The following CDK15 variants were observed in gnomAD, a reference collection of about 807,000 sequenced individuals.
CDK15 encodes cyclin dependent kinase 15.
Under a neutral mutation model 60.3 loss-of-function variants are expected in CDK15, and 62 were observed. The observed-to-expected ratio is 1.03, with a 90% CI of 0.84 to 1.27. The LOEUF (loss-of-function observed/expected upper bound fraction) is 1.27, where lower values mean the gene tolerates loss of function less well. Among genes scored for constraint, CDK15 ranks in the 50% most tolerant of loss-of-function variants. CDK15 has a pLI of 0.00. For missense variants in CDK15, 541 were observed against 527.8 expected, an observed-to-expected ratio of 1.03 and a Z score of -0.25; for synonymous variants, 194 against 195.7, an observed-to-expected ratio of 0.99 and a Z score of 0.07.
chr2:201,879,827 T>C (rs886547118), intron 11 of CDK15, among the ~76,000 whole-genome samples: 5 of 152,272 alleles, frequency 3.3e-5, no homozygotes, highest in African/African-American at 1.2e-4. Context: ...TTTTTCCCCT[T>C]CAACTTAGTA....
intron 13 of CDK15, among the ~76,000 whole-genome samples, chr2:201,891,369 T>A (rs1435375175): frequency 6.6e-6 from 1 of 152,236 alleles, no homozygotes; most frequent in African/African-American, 2.4e-5. Flanking sequence ...TTTTGCAAAT[T>A]GAAAACAACT....
At chr2:201,823,911 A>C (rs1373375749) in intron 6 of CDK15, among the ~76,000 whole-genome samples, 184 bp downstream of exon 6, 2 of 152,234 alleles carry the variant, frequency 1.3e-5, no homozygotes, top group African/African-American at 4.8e-5. Flanking sequence ...AGAAAAAAGA[A>C]AAAGAGTTGC....
chr2:201,859,127 T>C (rs766711639), intron 10 of CDK15, among the ~76,000 whole-genome samples: 3 of 152,114 alleles, frequency 2.0e-5, no homozygotes, highest in Non-Finnish European at 2.9e-5. Context: ...TTGGTGAGTC[T>C]TAATAATACT....
intron 6 of CDK15, among the ~76,000 whole-genome samples, chr2:201,832,579 A>G (rs1696807349): frequency 6.6e-6 from 1 of 152,242 alleles, no homozygotes; most frequent in African/African-American, 2.4e-5. Flanking sequence ...GAAGATTCAT[A>G]GAACCAGTTA....
In CDK15 at chr2:201,894,074, CA is replaced by C; in HGVS notation, c.*808del. On this transcript the variant is annotated 3_prime_UTR_variant, in exon 14 of 14. Coordinates refer to ENST00000652192, the MANE Select transcript of CDK15 (RefSeq NM_001366386.2). ...TGTAATTTAAGCCCTGTTGCACCACCACACACACACACACACACACACACAC... is the reference window on the plus strand; with the variant it reads ...TGTAATTTAAGCCCTGTTGCACCACCCACACACACACACACACACACACAC... The C allele has an allele frequency of 2.9e-4, 1 of 3,480 alleles. No homozygotes were observed. The highest frequency in any genetic ancestry group is 6.8e-4 in the Non-Finnish European group (1 of 1,460). The allele number at this position is 3,480 out of a possible 1,614,324, so 0.2% of individuals were successfully genotyped here. A position where few individuals can be genotyped will look rare whatever the true frequency, so the allele number is the denominator to read the frequency against.
chr2:201,839,238 A>G (rs2105756764), intron 8 of CDK15, among the ~76,000 whole-genome samples: 1 of 152,300 alleles, frequency 6.6e-6, no homozygotes, highest in East Asian at 1.9e-4. Flanking sequence ...CTTGTAGGCC[A>G]AGTCTCCCAG....
At chr2:201,822,436 T>A (rs1001386662) in intron 4 of CDK15, among the ~76,000 whole-genome samples, 2 of 152,208 alleles carry the variant, frequency 1.3e-5, no homozygotes, top group African/African-American at 4.8e-5. Context: ...AACACTCCAT[T>A]TCCTGCTCCT....
chr2:201,892,127 G>T (rs899025966), intron 13 of CDK15, among the ~76,000 whole-genome samples: 9 of 152,176 alleles, frequency 5.9e-5, no homozygotes, highest in Non-Finnish European at 1.2e-4. Context: ...CTGATCCTCA[G>T]AGCATTTTAT....
At chr2:201,891,083 T>A (rs559716093) in intron 13 of CDK15, among the ~76,000 whole-genome samples, 156 bp downstream of exon 13, 1 of 152,240 alleles carries the variant, frequency 6.6e-6, no homozygotes, top group Non-Finnish European at 1.5e-5. Flanking sequence ...TCTTCAGGCC[T>A]CCATTGCCTG....
At chr2:201,817,945 C>T (rs777941811) in intron 4 of CDK15, among the ~76,000 whole-genome samples, 9 of 152,146 alleles carry the variant, frequency 5.9e-5, no homozygotes, top group Admixed American at 3.3e-4. Flanking sequence ...TTTCTTTTCT[C>T]GGAATGCATA....
At chr2:201,824,588 G>C in intron 6 of CDK15, 1 of 313,786 alleles carries the variant, frequency 3.2e-6, no homozygotes, top group Non-Finnish European at 6.1e-6. Context: ...CAAATATACA[G>C]CCTTAAAATA....
intron 7 of CDK15, among the ~76,000 whole-genome samples, chr2:201,835,039 TCTA>T: frequency 6.6e-6 from 1 of 152,334 alleles, no homozygotes; most frequent in East Asian, 1.9e-4. Flanking sequence ...CTACCGTTTA[TCTA>T]CTAAACTGGG....
In CDK15 at chr2:201,889,099, T is replaced by TA. The variant is rs926680980; in HGVS notation, c.1199-1684dup. On this transcript the variant is annotated intron_variant, in intron 12 of 13. Coordinates refer to ENST00000652192, the MANE Select transcript of CDK15 (RefSeq NM_001366386.2). ...GAGACCCCAGATTACCCACAGCATT[T>TA]AAGGGCAGAAGTTTAGGCCAGGCGA... 1.1e-5 allele frequency: 11 copies of TA among 985,338 alleles called. No homozygotes were observed. In the African/African-American group the frequency reaches 1.9e-4, roughly 17 times the overall value. The allele number at this position is 985,338 out of a possible 1,614,324, so 61.0% of individuals were successfully genotyped here.
At chr2:201,811,939 G>A (rs1695785667) in intron 3 of CDK15, among the ~76,000 whole-genome samples, 1 of 152,112 alleles carries the variant, frequency 6.6e-6, no homozygotes, top group Non-Finnish European at 1.5e-5. Context: ...TTGGGAGCCT[G>A]ACGTGGGCAG....
intron 12 of CDK15, chr2:201,888,649 T>C: frequency 7.3e-7 from 1 of 1,367,816 alleles, no homozygotes; most frequent in Non-Finnish European, 9.4e-7. Context: ...AGTCTGGCAG[T>C]CCACAGCCAA....
chr2:201,836,512 A>G (rs1264829764), intron 8 of CDK15, among the ~76,000 whole-genome samples: 1 of 151,598 alleles, frequency 6.6e-6, no homozygotes, highest in Admixed American at 6.6e-5. Context: ...GCTGGTCTTG[A>G]GCTCCCAGGC....
Position 201,829,808 on chromosome 2 carries a change from A to T in CDK15, c.607-4040A>T, listed in dbSNP as rs1242030897. Among the ~76,000 whole-genome samples the T allele has an allele frequency of 3.5e-5, 5 of 142,702 alleles. No individual in the cohort carries two copies. The South Asian group carries it at 8.3e-4, about 24-fold the overall frequency. 93.6% of individuals were successfully genotyped at this position (142,702 alleles called of 152,430 possible). On this transcript the variant is annotated intron_variant, in intron 6 of 13. Transcript: ENST00000652192. ...TGTTTTATTTTTTAATTTTATTTTT[A>T]TTTATTTATTTATTTTTAGATGGGA...
chr2:201,876,730 G>A (rs945643610), intron 11 of CDK15: 12 of 380,444 alleles, frequency 3.2e-5, no homozygotes, highest in Non-Finnish European at 5.9e-5. Context: ...AGAGGTCCTT[G>A]CACTAATTAG....
At position 201,889,021 on chromosome 2, in the gene CDK15, A is replaced by G. The variant is rs75040458; in HGVS notation, c.1199-1764A>G. 2,623 of 985,456 alleles carry G rather than the reference A, an allele frequency of 2.7e-3. 51 individuals are homozygous for G. The African/African-American group carries it at 0.043, about 16-fold the overall frequency. The allele number at this position is 985,456 out of a possible 1,614,324, so 61.0% of individuals were successfully genotyped here. On this transcript the variant is annotated intron_variant, in intron 12 of 13. Transcript: ENST00000652192. ...CTTATGCATATCAACAAATGGTATG[A>G]TGGCTCCCCTTTCCAGCCTATTTGG... is the stretch of plus-strand genomic sequence containing the variant.
Sources: gnomAD v4.1 joint callset for allele counts (sites outside exome capture counted in the v4.1 genomes callset) on GRCh38, gnomAD v4.1.1 for gene constraint, MANE v1.5 for transcripts, NCBI Gene and HGNC (gene_info 2026-07-23, HGNC 2026-07-21) for gene names.